The following ITPR2 variants were observed in gnomAD, a reference collection of about 807,000 sequenced individuals.
ITPR2 encodes the protein inositol 1,4,5-trisphosphate receptor type 2.
Under a neutral mutation model 317.1 loss-of-function variants are expected in ITPR2, and 207 were observed. The ratio of observed to expected loss-of-function variants is 0.65; its 90% CI spans 0.58 to 0.73. The LOEUF (loss-of-function observed/expected upper bound fraction) is 0.73, where lower values mean the gene tolerates loss of function less well. Ranked by LOEUF, ITPR2 falls within the 30% of genes least tolerant of loss-of-function variation. ITPR2 has a pLI of 0.00. For missense variants in ITPR2, 2,613 were observed against 3,284.0 expected (o/e 0.80, Z 4.99); for synonymous variants, 1,156 against 1,149.1 (o/e 1.01, Z -0.12).
Position 26,631,918 on chromosome 12 carries a change from T to G in ITPR2, c.2882A>C (p.His961Pro). 1 of 1,614,068 alleles carries G rather than the reference T, an allele frequency of 6.2e-7. No homozygotes were observed. Among genetic ancestry groups the G allele is most frequent in the East Asian group, 2.2e-5 (1 of 44,856 alleles). ...HPSKQGSPTEHEDVTVMDTKL... is the reference protein window; with the variant it reads ...HPSKQGSPTEPEDVTVMDTKL... ...GGTGTCCATCACAGTCACATCCTCG[T>G]GCTCGGTGGGGCTCCCTTGCTTGCT... The change falls in exon 22 of 57, where the codon CAC (histidine) becomes CCC (proline). Residue 961 changes from histidine to proline, a missense_variant. By Grantham distance (77) the His-to-Pro change is moderately conservative. Around this residue, in one of 9 missense-constraint regions of ITPR2, gnomAD observed 817 missense variants for 897.6 expected, o/e 0.91. Transcript: ENST00000381340.
intron 2 of ITPR2, among the ~76,000 whole-genome samples, chr12:26,765,543 T>C (rs1382513946): frequency 2.0e-5 from 3 of 152,150 alleles, no homozygotes; most frequent in Admixed American, 6.5e-5. Context: ...ATGGATGTAA[T>C]AACATACAAC....
chr12:26,394,548 C>A (rs898621695), intron 54 of ITPR2, among the ~76,000 whole-genome samples: 1 of 151,980 alleles, frequency 6.6e-6, no homozygotes, highest in African/African-American at 2.4e-5. Context: ...AATGTAGTTG[C>A]CCTGGAACTT....
chr12:26,708,654 T>C (rs1337421848), intron 9 of ITPR2, among the ~76,000 whole-genome samples: 2 of 152,108 alleles, frequency 1.3e-5, no homozygotes, highest in East Asian at 3.9e-4. Flanking sequence ...GGTACAAAAA[T>C]ATAGTTCGAC....
intron 32 of ITPR2, among the ~76,000 whole-genome samples, chr12:26,587,950 T>C (rs556573607): frequency 2.0e-5 from 3 of 152,200 alleles, no homozygotes; most frequent in Non-Finnish European, 4.4e-5. Flanking sequence ...TGGTTAGAAC[T>C]TGCAGAATTT....
At chr12:26,575,632 T>C (rs1945257232) in intron 34 of ITPR2, among the ~76,000 whole-genome samples, 1 of 152,184 alleles carries the variant, frequency 6.6e-6, no homozygotes, top group South Asian at 2.1e-4. Flanking sequence ...CTTTATAGCA[T>C]ACGAAAAGGA....
chr12:26,813,469 T>G (rs1950791393), intron 1 of ITPR2, among the ~76,000 whole-genome samples: 1 of 152,240 alleles, frequency 6.6e-6, no homozygotes, highest in Non-Finnish European at 1.5e-5. Flanking sequence ...ATGAGATTCA[T>G]TTATCAAAGT....
At chr12:26,756,010 C>T (rs1949514646) in intron 2 of ITPR2, among the ~76,000 whole-genome samples, 1 of 152,100 alleles carries the variant, frequency 6.6e-6, no homozygotes, top group Non-Finnish European at 1.5e-5. Flanking sequence ...TCTAAGAATC[C>T]TTCTATGGAA....
chr12:26,659,127 T>C lies in ITPR2; in HGVS notation c.1872A>G (p.Arg624=). The C allele has an allele frequency of 1.9e-6, 3 of 1,612,238 alleles. No homozygotes were observed. Among genetic ancestry groups the C allele is most frequent in the Non-Finnish European group, 2.5e-6 (3 of 1,178,912 alleles). ...TCATTTCAAACCTTGGCTCCCGATT[T>C]CTCCTGAGTAAACTGACAAATGTTT... ...EIETFVSLLR[R]NREPRFLDYL... The change falls in exon 16 of 57, where the codon AGA becomes AGG. Residue 624 remains arginine, a synonymous_variant. Coordinates refer to ENST00000381340, the MANE Select transcript of ITPR2 (RefSeq NM_002223.4).
intron 11 of ITPR2, among the ~76,000 whole-genome samples, chr12:26,684,500 T>C (rs548468476): frequency 1.3e-5 from 2 of 152,308 alleles, no homozygotes; most frequent in South Asian, 4.1e-4. Context: ...AAGACAATAT[T>C]TATTAAGAAC....
intron 55 of ITPR2, among the ~76,000 whole-genome samples, chr12:26,383,433 G>A (rs1939570276): frequency 6.6e-6 from 1 of 151,894 alleles, no homozygotes; most frequent in Non-Finnish European, 1.5e-5. Context: ...AATATACAGA[G>A]GGAGGAACAT....
intron 55 of ITPR2, among the ~76,000 whole-genome samples, chr12:26,364,202 G>A (rs113337517): frequency 1.3e-5 from 2 of 152,234 alleles, no homozygotes; most frequent in African/African-American, 2.4e-5. Flanking sequence ...CACCTGTCCT[G>A]GGGATTTTCC....
Position 26,400,258 on chromosome 12 carries a change from G to A in ITPR2, c.7400C>T (p.Ala2467Val). ...CSPTIPASNT[A>V]DEEYEDGIER... Reference sequence around the variant, plus strand: ...AATTCCATCTTCATACTCTTCATCAGCTATAAAAACACATACAAATATATG... The same window carrying A: ...AATTCCATCTTCATACTCTTCATCAACTATAAAAACACATACAAATATATG... Residue 2467 changes from alanine to valine, a missense_variant and splice_region_variant, in exon 53 of 57, where the codon GCT becomes GTT. By Grantham distance (64) the Ala-to-Val change is moderately conservative (BLOSUM62 0). Transcript: ENST00000381340. The A allele has an allele frequency of 1.3e-6, 2 of 1,527,054 alleles. No individual in the cohort carries two copies. Among genetic ancestry groups the A allele is most frequent in the African/African-American group, 1.4e-5 (1 of 73,004 alleles). 94.6% of individuals were successfully genotyped at this position (1,527,054 alleles called of 1,614,324 possible).
intron 55 of ITPR2, among the ~76,000 whole-genome samples, chr12:26,360,262 T>G (rs1938784819): frequency 6.6e-6 from 1 of 152,216 alleles, no homozygotes; most frequent in Non-Finnish European, 1.5e-5. Flanking sequence ...CCTCTCTCGC[T>G]TCCTCCTTCA....
intron 55 of ITPR2, among the ~76,000 whole-genome samples, chr12:26,371,254 G>C (rs1156360135): frequency 3.3e-5 from 5 of 152,174 alleles, no homozygotes; most frequent in African/African-American, 1.2e-4. Context: ...TAAATACTCT[G>C]TCAGCAAGCA....
chr12:26,483,969 A>C, intron 41 of ITPR2, 71 bp from the exon 42 acceptor site: 1 of 1,279,852 alleles, frequency 7.8e-7, no homozygotes, highest in Non-Finnish European at 1.1e-6. Flanking sequence ...TGTTCTTCCC[A>C]TATGTGTGCT....
At chr12:26,542,231 A>G (rs1389389297) in intron 37 of ITPR2, among the ~76,000 whole-genome samples, 1 of 152,256 alleles carries the variant, frequency 6.6e-6, no homozygotes, top group East Asian at 1.9e-4. Context: ...CACTGAATAA[A>G]TGGATTATGC....
At chr12:26,512,294 T>C (rs544231090) in intron 37 of ITPR2, among the ~76,000 whole-genome samples, 2 of 152,138 alleles carry the variant, frequency 1.3e-5, no homozygotes, top group South Asian at 2.1e-4. Context: ...AATTTCACTC[T>C]GGCAATGTAA....
chr12:26,562,961 T>A (rs1227538563), intron 34 of ITPR2, among the ~76,000 whole-genome samples: 3 of 149,810 alleles, frequency 2.0e-5, no homozygotes, highest in African/African-American at 7.4e-5. Flanking sequence ...AAAACTTGTA[T>A]AGCAAAAAAA....
intron 35 of ITPR2, among the ~76,000 whole-genome samples, chr12:26,560,144 C>T (rs1944773527): frequency 6.6e-6 from 1 of 152,122 alleles, no homozygotes; most frequent in Admixed American, 6.6e-5. Flanking sequence ...TTAAGGCACA[C>T]CCTCTCTGTG....
Sources: allele counts gnomAD v4.1 joint callset (sites outside exome capture counted in the v4.1 genomes callset), GRCh38; gene constraint gnomAD v4.1.1; regional missense constraint gnomAD v4.1.1; transcripts MANE v1.5; gene names NCBI Gene and HGNC (gene_info 2026-07-23, HGNC 2026-07-21).